Variants in SLC24A2 observed in about 807,000 individuals in gnomAD.
The protein encoded by SLC24A2 is solute carrier family 24 member 2.
In SLC24A2, 36 loss-of-function variants were observed where a neutral mutation model predicts 62.0. That is an observed-to-expected ratio of 0.58 (90% CI 0.44 to 0.77). The LOEUF (loss-of-function observed/expected upper bound fraction) is 0.77, where lower values mean the gene tolerates loss of function less well. Ranked by LOEUF, SLC24A2 falls within the 30% of genes least tolerant of loss-of-function variation. The pLI is 0.00. For synonymous variants in SLC24A2, 358 were observed against 294.0 expected (o/e 1.22, Z -2.23); for missense variants, 846 against 817.9 (o/e 1.03, Z -0.42).
chr9:20,145,595 AC>A, the SLC24A2 span, among the ~76,000 whole-genome samples: 1 of 149,118 alleles, frequency 6.7e-6, no homozygotes, highest in African/African-American at 2.4e-5. Flanking sequence ...TGATTCCATC[AC>A]ATGTATGTGT....
At chr9:19,742,623 G>A (rs777040961) in intron 2 of SLC24A2, among the ~76,000 whole-genome samples, 1 of 152,056 alleles carries the variant, frequency 6.6e-6, no homozygotes, top group African/African-American at 2.4e-5. Context: ...ATAATAAGTG[G>A]CAAAAGAGGG....
chr9:19,683,533 GA>G (rs899907727), intron 2 of SLC24A2, among the ~76,000 whole-genome samples: 1 of 145,168 alleles, frequency 6.9e-6, no homozygotes, highest in African/African-American at 2.5e-5. Context: ...ATTGTGCTCT[GA>G]ACTTTTTTTT....
intron 8 of SLC24A2, among the ~76,000 whole-genome samples, chr9:19,531,114 A>G (rs1833687932): frequency 6.6e-6 from 1 of 152,076 alleles, no homozygotes; most frequent in Non-Finnish European, 1.5e-5. Flanking sequence ...GCCTCGCCCA[A>G]CCTCCCATGT....
At chr9:20,229,595 T>G in the SLC24A2 span, among the ~76,000 whole-genome samples, 1 of 152,144 alleles carries the variant, frequency 6.6e-6, no homozygotes, top group Non-Finnish European at 1.5e-5. Context: ...TCCATACATT[T>G]GTCAACTTTT....
the SLC24A2 span, among the ~76,000 whole-genome samples, chr9:20,287,823 C>G: frequency 6.6e-6 from 1 of 152,202 alleles, no homozygotes; most frequent in Non-Finnish European, 1.5e-5. Flanking sequence ...TCTTCAGTCT[C>G]AGTTCATAAC....
At chr9:19,827,558 A>G in the SLC24A2 span, among the ~76,000 whole-genome samples, 9 of 151,978 alleles carry the variant, frequency 5.9e-5, no homozygotes, top group Non-Finnish European at 1.3e-4. Flanking sequence ...TAAGATGTAC[A>G]TTTTCATATA....
At chr9:20,003,033 C>G in the SLC24A2 span, among the ~76,000 whole-genome samples, 1 of 152,114 alleles carries the variant, frequency 6.6e-6, no homozygotes, top group African/African-American at 2.4e-5. Flanking sequence ...CTGTACTAGG[C>G]CCCATAAATG....
chr9:20,243,940 C>T, the SLC24A2 span, among the ~76,000 whole-genome samples: 2 of 151,426 alleles, frequency 1.3e-5, no homozygotes, highest in East Asian at 1.9e-4. Flanking sequence ...GGAGGGACCT[C>T]GAGAGGAAGG....
the SLC24A2 span, among the ~76,000 whole-genome samples, chr9:20,220,869 C>T: frequency 7.9e-5 from 12 of 152,268 alleles, no homozygotes; most frequent in South Asian, 2.3e-3. Flanking sequence ...GTCTAAAGAA[C>T]TTTCACCTCT....
At chr9:19,678,236 T>C (rs1174733702) in intron 2 of SLC24A2, among the ~76,000 whole-genome samples, 1 of 152,216 alleles carries the variant, frequency 6.6e-6, no homozygotes. Flanking sequence ...ATTCTGACTC[T>C]AAATTCTGTG....
the SLC24A2 span, among the ~76,000 whole-genome samples, chr9:20,135,638 G>C: frequency 6.6e-6 from 1 of 152,058 alleles, no homozygotes; most frequent in Admixed American, 6.6e-5. Context: ...CTCCCCTTAA[G>C]TGATAACCAC....
intron 2 of SLC24A2, among the ~76,000 whole-genome samples, chr9:19,718,417 T>G (rs1043762833): frequency 6.8e-6 from 1 of 147,522 alleles, no homozygotes; most frequent in African/African-American, 2.5e-5. Flanking sequence ...CTCAGCCTCC[T>G]GAGTAGCTGA....
At chr9:19,897,968 G>A in the SLC24A2 span, among the ~76,000 whole-genome samples, 14 of 152,144 alleles carry the variant, frequency 9.2e-5, no homozygotes, top group South Asian at 2.1e-4. Flanking sequence ...GCCACAGTCC[G>A]GTCAGGGAAA....
intron 2 of SLC24A2, among the ~76,000 whole-genome samples, chr9:19,688,257 C>G (rs963250668): frequency 1.3e-5 from 2 of 152,108 alleles, no homozygotes; most frequent in Non-Finnish European, 2.9e-5. Flanking sequence ...TTATGGATTA[C>G]TGATTGTGTG....
intron 2 of SLC24A2, among the ~76,000 whole-genome samples, chr9:19,713,396 A>G (rs1197666735): frequency 6.6e-6 from 1 of 152,194 alleles, no homozygotes; most frequent in African/African-American, 2.4e-5. Flanking sequence ...ACATTTTCTA[A>G]TAATGGGCAT....
intron 2 of SLC24A2, among the ~76,000 whole-genome samples, chr9:19,634,530 C>T (rs548047087): frequency 1.3e-5 from 2 of 152,166 alleles, no homozygotes; most frequent in South Asian, 4.1e-4. Flanking sequence ...TCAGGTGATC[C>T]GCCCACCTCG....
the SLC24A2 span, among the ~76,000 whole-genome samples, chr9:20,105,103 G>T: frequency 6.6e-6 from 1 of 152,112 alleles, no homozygotes; most frequent in African/African-American, 2.4e-5. Flanking sequence ...GACAAAGAAG[G>T]CCATTACATA....
At chr9:19,890,961 A>C in the SLC24A2 span, among the ~76,000 whole-genome samples, 1 of 152,206 alleles carries the variant, frequency 6.6e-6, no homozygotes, top group Non-Finnish European at 1.5e-5. Context: ...ATATGAAAAA[A>C]GGATGATTGA....
At chr9:19,988,180 C>G in the SLC24A2 span, among the ~76,000 whole-genome samples, 1 of 152,092 alleles carries the variant, frequency 6.6e-6, no homozygotes, top group Non-Finnish European at 1.5e-5. Flanking sequence ...CCCTTTGGCT[C>G]CTCCTTAGTC....
Sources: allele counts gnomAD v4.1 joint callset (sites outside exome capture counted in the v4.1 genomes callset), GRCh38; gene constraint gnomAD v4.1.1; transcripts MANE v1.5; gene names NCBI Gene and HGNC (gene_info 2026-07-23, HGNC 2026-07-21).